FAT3: variants seen among roughly 807,000 people sequenced by gnomAD.
FAT3 encodes the protein protocadherin Fat 3.
FAT3 carries 95 observed loss-of-function variants against 310.2 expected under a neutral mutation model. That is an observed-to-expected ratio of 0.31 (90% CI 0.26 to 0.36). The LOEUF is 0.36. Among genes scored for constraint, FAT3 ranks in the 10% least tolerant of loss-of-function variants. The pLI is 1.00. For missense variants in FAT3, 5,408 were observed against 5,715.6 expected (o/e 0.95, Z 1.74); for synonymous variants, 2,314 against 2,192.9 (o/e 1.06, Z -1.54).
intron 3 of FAT3, among the ~76,000 whole-genome samples, chr11:92,543,670 T>G (rs1407577212): frequency 6.6e-6 from 1 of 152,212 alleles, no homozygotes; most frequent in African/African-American, 2.4e-5. Context: ...ACTGTATGCC[T>G]TATGGGTTTG....
At chr11:92,390,018 GT>G (rs35267924) in intron 2 of FAT3, among the ~76,000 whole-genome samples, 5 of 149,216 alleles carry the variant, frequency 3.4e-5, no homozygotes, top group African/African-American at 4.9e-5. Flanking sequence ...AAAAAAGCCT[GT>G]TTTTTTTTTA....
intron 3 of FAT3, among the ~76,000 whole-genome samples, chr11:92,566,950 A>G (rs1258718543): frequency 2.6e-5 from 4 of 152,126 alleles, no homozygotes; most frequent in African/African-American, 7.2e-5. Flanking sequence ...GAAAACCTAG[A>G]CATTTCCATT....
intron 17 of FAT3, among the ~76,000 whole-genome samples, chr11:92,839,300 G>A (rs1948479449): frequency 6.6e-6 from 1 of 152,166 alleles, no homozygotes; most frequent in Non-Finnish European, 1.5e-5. Context: ...GACCCTGAGG[G>A]CCACATTGTC....
chr11:92,494,713 T>C (rs1197284425), intron 2 of FAT3, among the ~76,000 whole-genome samples: 2 of 152,082 alleles, frequency 1.3e-5, no homozygotes, highest in East Asian at 3.9e-4. Flanking sequence ...GCCATCCTAT[T>C]GCAGAACCTG....
intron 17 of FAT3, among the ~76,000 whole-genome samples, chr11:92,839,952 A>G (rs1027862776): frequency 6.6e-6 from 1 of 152,244 alleles, no homozygotes; most frequent in African/African-American, 2.4e-5. Flanking sequence ...TGTTCTGTTC[A>G]TTGTCAAATG....
intron 4 of FAT3, among the ~76,000 whole-genome samples, chr11:92,697,775 G>A (rs925250478): frequency 5.9e-5 from 9 of 152,134 alleles, no homozygotes; most frequent in Middle Eastern, 3.2e-3. Flanking sequence ...GGCCACAGAC[G>A]TAAAAAGAGA....
intron 1 of FAT3, chr11:92,336,060 G>T (rs1285284173): frequency 5.9e-6 from 3 of 505,404 alleles, no homozygotes; most frequent in Admixed American, 2.3e-5. Context: ...CAACTGGATC[G>T]TGCTGGGGTT....
chr11:92,321,105 T>C (rs1330578708), intron 1 of FAT3, among the ~76,000 whole-genome samples: 3 of 152,082 alleles, frequency 2.0e-5, no homozygotes, highest in African/African-American at 4.8e-5. Context: ...ATAAGATAAC[T>C]CTTTAAAGAG....
intron 3 of FAT3, among the ~76,000 whole-genome samples, chr11:92,538,707 T>G (rs1954342824): frequency 3.9e-5 from 6 of 152,136 alleles, no homozygotes; most frequent in Admixed American, 3.9e-4. Flanking sequence ...ACTTTACCCC[T>G]TTAAGACCTC....
At chr11:92,620,459 A>T (rs376933474) in intron 3 of FAT3, among the ~76,000 whole-genome samples, 4 of 152,228 alleles carry the variant, frequency 2.6e-5, no homozygotes, top group African/African-American at 9.6e-5. Flanking sequence ...TAGAAATATC[A>T]ATAGTATAAA....
chr11:92,791,029 T>C (rs1591736588), intron 8 of FAT3, among the ~76,000 whole-genome samples: 1 of 152,304 alleles, frequency 6.6e-6, no homozygotes, highest in East Asian at 1.9e-4. Flanking sequence ...TACAAATTCC[T>C]AAGCAGCTGA....
At chr11:92,326,625 C>G (rs1008586802) in intron 1 of FAT3, among the ~76,000 whole-genome samples, 1 of 152,192 alleles carries the variant, frequency 6.6e-6, no homozygotes, top group South Asian at 2.1e-4. Context: ...CCTTATTTGA[C>G]CATGGCTGGC....
At chr11:92,440,508 G>A (rs973894473) in intron 2 of FAT3, among the ~76,000 whole-genome samples, 10 of 152,174 alleles carry the variant, frequency 6.6e-5, no homozygotes, top group African/African-American at 2.2e-4. Flanking sequence ...GTGTGCTTCT[G>A]TGGCTAGAAT....
rs375179087 is a variant in FAT3, at chr11:92,415,275, A to G, written c.3292+59871A>G. Among the ~76,000 whole-genome samples, 14 of 152,276 alleles carry G rather than the reference A, an allele frequency of 9.2e-5. No individual in the cohort carries two copies. The East Asian group carries it at 2.3e-3, about 25-fold the overall frequency. On this transcript the variant is annotated intron_variant, in intron 2 of 27. Transcript: ENST00000525166. ...AGAAATTAAAATGTGTTCTCGTTTG[A>G]TCTAGTTTATTCAGCAGTGAGTGCT...
chr11:92,618,078 GAGGTGGAGTCTGCAGAAGCAGGC>G (rs1940899858), intron 3 of FAT3, among the ~76,000 whole-genome samples: 2 of 152,328 alleles, frequency 1.3e-5, no homozygotes, highest in South Asian at 4.1e-4. Context: ...CCTGCCCCCA[GAGGTGGAGTCTGCAGAAGCAGGC>G]AGGCCTCCAT....
intron 3 of FAT3, among the ~76,000 whole-genome samples, chr11:92,526,153 C>T (rs1208013540): frequency 6.6e-6 from 1 of 152,128 alleles, no homozygotes; most frequent in Admixed American, 6.5e-5. Flanking sequence ...CTTGGCCCAA[C>T]CTTTCAGAGC....
chr11:92,380,091 G>GTA lies in FAT3; in HGVS notation c.3292+24688_3292+24689insAT, dbSNP rs1949453891. Reference sequence around the variant, plus strand: ...CTGATTCGTGTGTGTGTGTGTGTGTGTGTGTGTGTGTGTGTGTGTTCAATG... The same window carrying GTA: ...CTGATTCGTGTGTGTGTGTGTGTGTGTATGTGTGTGTGTGTGTGTGTTCAATG... On this transcript the variant is annotated intron_variant, in intron 2 of 27. Coordinates refer to ENST00000525166, the MANE Select transcript of FAT3 (RefSeq NM_001367949.2). 3.3e-5 allele frequency among the ~76,000 whole-genome samples: 5 copies of GTA among 151,748 alleles called. No homozygotes were observed. The South Asian group carries it at 1.0e-3, about 32-fold the overall frequency.
rs1230530227 is a variant in FAT3, at chr11:92,224,899, G to T, written c.-293G>T. ...AGGCTGCGCTGTGAACTGGCCTGCGGATTGGGATCTCGCGCCTCCCGTCCC... is the reference window on the plus strand; with the variant it reads ...AGGCTGCGCTGTGAACTGGCCTGCGTATTGGGATCTCGCGCCTCCCGTCCC... On this transcript the variant is annotated 5_prime_UTR_variant, in exon 1 of 28. Coordinates refer to ENST00000525166, the MANE Select transcript of FAT3 (RefSeq NM_001367949.2). Among the ~76,000 whole-genome samples, 2 of 152,104 alleles carry T rather than the reference G, an allele frequency of 1.3e-5. No homozygotes were observed. The highest frequency in any genetic ancestry group is 2.9e-5 in the Non-Finnish European group (2 of 68,004).
At chr11:92,309,205 G>A (rs1414079712) in intron 1 of FAT3, among the ~76,000 whole-genome samples, 1 of 129,136 alleles carries the variant, frequency 7.7e-6, no homozygotes, top group Non-Finnish European at 1.5e-5. Context: ...GAAAACTGCT[G>A]CCCCAGAGTG....
Sources: gnomAD v4.1 joint callset for allele counts (sites outside exome capture counted in the v4.1 genomes callset) on GRCh38, gnomAD v4.1.1 for gene constraint, MANE v1.5 for transcripts, NCBI Gene and HGNC (gene_info 2026-07-23, HGNC 2026-07-21) for gene names.